The following GLG1 variants were observed in gnomAD, a reference collection of about 807,000 sequenced individuals.
The protein encoded by GLG1 is golgi glycoprotein 1.
GLG1 carries 38 observed loss-of-function variants against 160.5 expected under a neutral mutation model. The observed-to-expected ratio is 0.24, with a 90% confidence interval of 0.18 to 0.31. The LOEUF is 0.31. GLG1 is among the 10% of genes least tolerant of loss of function. The probability of loss-of-function intolerance (pLI) is 1.00; values close to 1 mark genes in which losing one functional copy is unlikely to be tolerated. For missense variants in GLG1, 1,373 were observed against 1,505.2 expected (o/e 0.91, Z 1.45); for synonymous variants, 644 against 543.4 (o/e 1.19, Z -2.57).
chr16:74,523,409 A>G (rs373840992), intron 2 of GLG1, among the ~76,000 whole-genome samples: 6 of 152,206 alleles, frequency 3.9e-5, no homozygotes, highest in African/African-American at 1.4e-4. Flanking sequence ...TTGGTTCTTC[A>G]AGATCGCTTT....
chr16:74,472,525 C>G, intron 13 of GLG1, 114 bp from the exon 14 acceptor site: 1 of 1,394,810 alleles, frequency 7.2e-7, no homozygotes. Context: ...CTAATACATA[C>G]TTTTGGAAAC....
chr16:74,498,458 A>G (rs2016285512), intron 4 of GLG1, among the ~76,000 whole-genome samples: 1 of 102,120 alleles, frequency 9.8e-6, no homozygotes, highest in Non-Finnish European at 1.9e-5. Context: ...GTATATATAT[A>G]TATATATATT....
intron 4 of GLG1, among the ~76,000 whole-genome samples, chr16:74,502,613 G>A (rs985855766): frequency 4.0e-5 from 6 of 151,238 alleles, no homozygotes; most frequent in African/African-American, 7.3e-5. Context: ...GCGCGATCTC[G>A]GCTCACTGCA....
chr16:74,505,013 G>C (rs1283888151), intron 3 of GLG1, among the ~76,000 whole-genome samples: 1 of 152,244 alleles, frequency 6.6e-6, no homozygotes, highest in African/African-American at 2.4e-5. Flanking sequence ...ATTCTGACAA[G>C]AGGAAGGAGT....
intron 1 of GLG1, among the ~76,000 whole-genome samples, chr16:74,586,066 A>G (rs1216747378): frequency 1.8e-5 from 2 of 108,996 alleles, no homozygotes; most frequent in Non-Finnish European, 4.4e-5. Context: ...CTGTATCGGA[A>G]AAAAAAAAAA....
At chr16:74,489,655 T>C (rs2015913694) in intron 8 of GLG1, among the ~76,000 whole-genome samples, 1 of 152,276 alleles carries the variant, frequency 6.6e-6, no homozygotes, top group Middle Eastern at 3.4e-3. Flanking sequence ...GAAACAACAC[T>C]GTGGCAAAAT....
intron 22 of GLG1, among the ~76,000 whole-genome samples, chr16:74,460,027 T>C (rs1167167435): frequency 6.6e-6 from 1 of 150,464 alleles, no homozygotes; most frequent in African/African-American, 2.5e-5. Context: ...GGCTGATTTT[T>C]TTTTTTTTTT....
At chr16:74,457,003 C>T (rs768815321) in intron 24 of GLG1, among the ~76,000 whole-genome samples, 56 of 152,170 alleles carry the variant, frequency 3.7e-4, no homozygotes, top group Non-Finnish European at 7.2e-4. Context: ...TGGTGGCAAA[C>T]ACCTGTAATC....
intron 1 of GLG1, among the ~76,000 whole-genome samples, chr16:74,573,443 C>T (rs1484681234): frequency 6.6e-6 from 1 of 152,058 alleles, no homozygotes; most frequent in Non-Finnish European, 1.5e-5. Context: ...TTGCCTGAAA[C>T]ATCTGGGTAT....
At chr16:74,528,347 A>G (rs2017407829) in intron 2 of GLG1, among the ~76,000 whole-genome samples, 1 of 151,864 alleles carries the variant, frequency 6.6e-6, no homozygotes, top group South Asian at 2.1e-4. Flanking sequence ...ATAGAATTCC[A>G]TGTTGGCATT....
At chr16:74,593,963 A>ATCT in intron 1 of GLG1, among the ~76,000 whole-genome samples, 1 of 151,778 alleles carries the variant, frequency 6.6e-6, no homozygotes, top group East Asian at 2.0e-4. Flanking sequence ...CTAGAGTGCA[A>ATCT]TGGCACGATC....
chr16:74,547,408 T>C (rs1446884057), intron 1 of GLG1, among the ~76,000 whole-genome samples: 1 of 152,002 alleles, frequency 6.6e-6, no homozygotes, highest in Non-Finnish European at 1.5e-5. Context: ...GCCTCCAAAA[T>C]AGATCAGACA....
rs78783791 is a variant in GLG1, at chr16:74,468,803, G to C, written c.2436+143C>G. 357 of 647,288 alleles carry C rather than the reference G, an allele frequency of 5.5e-4. 1 individual carries two copies. In the African/African-American group the frequency reaches 5.6e-3, roughly 10 times the overall value. 40.1% of individuals were successfully genotyped at this position (647,288 alleles called of 1,614,324 possible). On this transcript the variant is annotated intron_variant, in intron 17 of 25. Coordinates refer to ENST00000422840, the MANE Select transcript of GLG1 (RefSeq NM_001145667.2). Reference sequence around the variant, plus strand: ...AGAATGACACAGGAAGCTAATGGTCGTATGTTAAAACTTTTGCACAGGACT... The same window carrying C: ...AGAATGACACAGGAAGCTAATGGTCCTATGTTAAAACTTTTGCACAGGACT...
chr16:74,596,724 G>C (rs1475928366), intron 1 of GLG1, among the ~76,000 whole-genome samples: 1 of 152,212 alleles, frequency 6.6e-6, no homozygotes, highest in Non-Finnish European at 1.5e-5. Context: ...GGGAAAATGA[G>C]CTATCACACA....
At chr16:74,493,214 G>A in intron 6 of GLG1, 74 bp from the exon 7 acceptor site, 1 of 934,792 alleles carries the variant, frequency 1.1e-6, no homozygotes, top group Non-Finnish European at 1.6e-6. Context: ...ACTAAGATGA[G>A]CACAGCGACT....
intron 1 of GLG1, among the ~76,000 whole-genome samples, chr16:74,535,633 G>A (rs565142628): frequency 2.6e-5 from 4 of 152,200 alleles, no homozygotes; most frequent in South Asian, 2.1e-4. Flanking sequence ...ACCGGGTCTC[G>A]CTATGTTGCC....
intron 1 of GLG1, among the ~76,000 whole-genome samples, chr16:74,548,814 G>T (rs2018119178): frequency 6.6e-6 from 1 of 152,046 alleles, no homozygotes; most frequent in Non-Finnish European, 1.5e-5. Flanking sequence ...TGGCCAATAT[G>T]GTGAAACCTC....
chr16:74,460,754 T>A (rs1251072013), intron 22 of GLG1, among the ~76,000 whole-genome samples: 2 of 152,242 alleles, frequency 1.3e-5, no homozygotes, highest in Non-Finnish European at 2.9e-5. Context: ...AAATGTCATA[T>A]CTTTACACTG....
intron 6 of GLG1, among the ~76,000 whole-genome samples, chr16:74,493,786 A>G (rs1386843428): frequency 1.3e-5 from 2 of 152,230 alleles, no homozygotes; most frequent in Admixed American, 1.3e-4. Context: ...TTGCCTAGAA[A>G]GCACATTGAT....
Sources: gnomAD v4.1 joint callset for allele counts (sites outside exome capture counted in the v4.1 genomes callset) on GRCh38, gnomAD v4.1.1 for gene constraint, MANE v1.5 for transcripts, NCBI Gene and HGNC (gene_info 2026-07-23, HGNC 2026-07-21) for gene names.